The following ANKRD46 variants were observed in gnomAD, a reference collection of about 807,000 sequenced individuals.
ANKRD46 encodes the protein ankyrin repeat domain-containing protein 46.
A neutral mutation model predicts 19.8 loss-of-function variants in ANKRD46; 13 were observed. The ratio of observed to expected loss-of-function variants is 0.66; its 90% CI spans 0.43 to 1.04. The LOEUF (loss-of-function observed/expected upper bound fraction) is 1.04, where lower values mean the gene tolerates loss of function less well. ANKRD46 is among the 50% of genes least tolerant of loss of function. The pLI, the probability that ANKRD46 is intolerant of heterozygous loss-of-function variation, is 0.00. For missense variants in ANKRD46, 185 were observed against 274.8 expected, an observed-to-expected ratio of 0.67 and a Z score of 2.31; for synonymous variants, 91 against 106.9, an observed-to-expected ratio of 0.85 and a Z score of 0.92.
chr8:100,552,915 T>TTACTA lies in ANKRD46; in HGVS notation c.-131+6791_-131+6795dup, dbSNP rs200302328. On this transcript the variant is annotated intron_variant, in intron 1 of 4. Coordinates refer to ENST00000335659, the MANE Select transcript of ANKRD46 (RefSeq NM_001270377.2). ...AATGACACAGAATCTGAAGTGGTCA[T>TTACTA]TACTATTTGATTTCCACTCTTATAT... Among the ~76,000 whole-genome samples, 1,153 of 152,332 alleles carry TTACTA rather than the reference T, an allele frequency of 7.6e-3. 18 individuals are homozygous for TTACTA. The highest frequency in any genetic ancestry group is 0.026 in the African/African-American group (1,069 of 41,570).
In ANKRD46 at chr8:100,527,608, C is replaced by G. The variant is rs189066560; in HGVS notation, c.470+237G>C. On this transcript the variant is annotated intron_variant, in intron 4 of 4. Transcript: ENST00000335659. The surrounding 1 kb of genome is among the most constrained non-coding windows in gnomAD (Gnocchi z 4.0). ...AATTGTAATCTGCAGTCATAAGGTC[C>G]TATATAAAGTTCAAGTTGCACTTAA... 1.2e-3 allele frequency among the ~76,000 whole-genome samples: 184 copies of G among 152,224 alleles called. 1 individual carries two copies. Among genetic ancestry groups the G allele is most frequent in the Non-Finnish European group, 2.2e-3 (149 of 68,018 alleles).
At position 100,524,335 on chromosome 8, in the gene ANKRD46, C is replaced by T. The variant is rs2130645833; in HGVS notation, c.471-1564G>A. On this transcript the variant is annotated intron_variant, in intron 4 of 4. Transcript: ENST00000335659. This position sits in a 1 kb window ranked among gnomAD's most constrained non-coding sequence, Gnocchi z 4.3. ...TAAAACAGTATCTTAGAGTCTCATT[C>T]ATTATGAACTATGAATAAACATGCA... 6.6e-6 allele frequency among the ~76,000 whole-genome samples: 1 copy of T among 152,292 alleles called. No individual in the cohort carries two copies. The highest frequency in any genetic ancestry group is 1.9e-4 in the East Asian group (1 of 5,186).
rs1226586501 is a variant in ANKRD46 at position 100,543,052 on chromosome 8, A to C, written c.-130-9741T>G. 4.6e-5 allele frequency among the ~76,000 whole-genome samples: 7 copies of C among 152,180 alleles called. No homozygotes were observed. Among genetic ancestry groups the C allele is most frequent in the African/African-American group, 1.7e-4 (7 of 41,442 alleles). On this transcript the variant is annotated intron_variant, in intron 1 of 4. Transcript: ENST00000335659. This position sits in a 1 kb window ranked among gnomAD's most constrained non-coding sequence, Gnocchi z 4.2. ...TTCAGAAACGGGAAAAGAAGATGAC[A>C]AGTTCCTATATCAGTTTCCCATGGA...
rs17428950 is a variant in ANKRD46 at position 100,543,421 on chromosome 8, A to C, written c.-130-10110T>G. 0.073 allele frequency among the ~76,000 whole-genome samples: 11,053 copies of C among 152,314 alleles called. 498 individuals carry two copies. The highest frequency in any genetic ancestry group is 0.094 in the Non-Finnish European group (6,383 of 68,012). ...TTTATATCAAAAAACAATTTTCTAA[A>C]TGACTTGTAGATAGGAGCAGGACAC... On this transcript the variant is annotated intron_variant, in intron 1 of 4. Coordinates refer to ENST00000335659, the MANE Select transcript of ANKRD46 (RefSeq NM_001270377.2). The surrounding 1 kb of genome is among the most constrained non-coding windows in gnomAD (Gnocchi z 4.2).
At position 100,522,355 on chromosome 8, in the gene ANKRD46, A is replaced by C. The variant is rs1430897125; in HGVS notation, c.*200T>G. On this transcript the variant is annotated 3_prime_UTR_variant, in exon 5 of 5. Transcript: ENST00000335659. Reference sequence around the variant, plus strand: ...GTCAGGTTGAGTCAGAGGTAGCGTTAGGATGCAATATACTTGATCATAGTA... The same window carrying C: ...GTCAGGTTGAGTCAGAGGTAGCGTTCGGATGCAATATACTTGATCATAGTA... 7.2e-7 allele frequency: 1 copy of C among 1,395,588 alleles called. No individual in the cohort carries two copies. Among genetic ancestry groups the C allele is most frequent in the East Asian group, 2.7e-5 (1 of 37,726 alleles). 86.5% of individuals were successfully genotyped at this position (1,395,588 alleles called of 1,614,324 possible). A position where few individuals can be genotyped will look rare whatever the true frequency, so the allele number is the denominator to read the frequency against.
chr8:100,541,330 TA>T (rs1308082271), intron 1 of ANKRD46, among the ~76,000 whole-genome samples: 1 of 152,152 alleles, frequency 6.6e-6, no homozygotes, highest in African/African-American at 2.4e-5. Flanking sequence ...AAATATTCCT[TA>T]TTTTCTAAAT....
In ANKRD46 at chr8:100,549,544, A is replaced by AT. The variant is rs570396299; in HGVS notation, c.-131+10166dup. Among the ~76,000 whole-genome samples the AT allele has an allele frequency of 1.9e-4, 29 of 152,250 alleles. No homozygotes were observed. The East Asian group carries it at 5.4e-3, about 28-fold the overall frequency. On this transcript the variant is annotated intron_variant, in intron 1 of 4. Transcript: ENST00000335659. ...AGTATCACAACTGAGCTGTGAGCAT[A>AT]TTTTTTATTACTTTATCTTTTTTAA...
intron 1 of ANKRD46, among the ~76,000 whole-genome samples, 165 bp from the exon 2 acceptor site, chr8:100,533,476 T>C (rs1193431237): frequency 2.0e-5 from 3 of 152,040 alleles, no homozygotes; most frequent in South Asian, 4.2e-4. Context: ...AGTAACAAAG[T>C]AGTGAAAAGG....
At chr8:100,517,580 C>T (rs902608717), downstream of ANKRD46, among the ~76,000 whole-genome samples, 2 of 152,178 alleles carry the variant, frequency 1.3e-5, no homozygotes, top group East Asian at 3.8e-4. Context: ...ATGCCTCTGG[C>T]TATGGAGCAG....
In ANKRD46 at chr8:100,536,002, G is replaced by A. The variant is rs561533088; in HGVS notation, c.-130-2691C>T. Among the ~76,000 whole-genome samples, 3 of 152,060 alleles carry A rather than the reference G, an allele frequency of 2.0e-5. No homozygotes were observed. The highest frequency in any genetic ancestry group is 1.9e-4 in the East Asian group (1 of 5,162). On this transcript the variant is annotated intron_variant, in intron 1 of 4. Transcript: ENST00000335659. The surrounding 1 kb of genome is among the most constrained non-coding windows in gnomAD (Gnocchi z 4.9). ...TCTATTTCCCCCATTCAAGAAGAAT[G>A]TAAGGTCATCTTTGGAGTCATGTGT...
rs770864256 is a variant in ANKRD46, at chr8:100,522,712, G to T, written c.530C>A (p.Ser177Tyr). 1.6e-5 allele frequency: 26 copies of T among 1,613,946 alleles called. No individual in the cohort carries two copies. Among genetic ancestry groups the T allele is most frequent in the South Asian group, 1.1e-5 (1 of 91,066 alleles). Residue 177 changes from serine (S) to tyrosine (Y), a missense_variant, in exon 5 of 5, where the codon TCC becomes TAC. Transcript: ENST00000335659. ...CTCCTGCCACGTGGTTCGGAAGCTG[G>T]AGAGGACTCCTTCACCTTGCTGCAG... is the stretch of plus-strand genomic sequence containing the variant. ...PNLQQGEGVL[S>Y]SFRTTWQEFV...
chr8:100,527,895 G>A lies in ANKRD46; in HGVS notation c.420C>T (p.Asn140=). ...SLEEQEVKGF[N]RGTHSKLETM... ...TCTCCAGTTTCGAGTGGGTTCCTCT[G>A]TTAAATCCTTTCACCTCCTGTTCTT... The change falls in exon 4 of 5, where the codon AAC becomes AAT. Residue 140 remains asparagine, a synonymous_variant. Coordinates refer to ENST00000335659, the MANE Select transcript of ANKRD46 (RefSeq NM_001270377.2). This position sits in a 1 kb window ranked among gnomAD's most constrained non-coding sequence, Gnocchi z 4.0. 1 of 1,610,522 alleles carries A rather than the reference G, an allele frequency of 6.2e-7. No homozygotes were observed.
At chr8:100,558,550 AAC>A (rs1397186832) in intron 1 of ANKRD46, among the ~76,000 whole-genome samples, 1 of 152,322 alleles carries the variant, frequency 6.6e-6, no homozygotes, top group Non-Finnish European at 1.5e-5. Context: ...TTAATGAGCT[AAC>A]AGTTTTCTTA....
Position 100,536,209 on chromosome 8 carries a change from G to A in ANKRD46, c.-130-2898C>T, listed in dbSNP as rs887150090. ...TCTTTCAAGATTCACTGAGGACTGAGTCTGTGCCCCTGTGAATGGATGTGA... is the reference window on the plus strand; with the variant it reads ...TCTTTCAAGATTCACTGAGGACTGAATCTGTGCCCCTGTGAATGGATGTGA... On this transcript the variant is annotated intron_variant, in intron 1 of 4. Coordinates refer to ENST00000335659, the MANE Select transcript of ANKRD46 (RefSeq NM_001270377.2). This position sits in a 1 kb window ranked among gnomAD's most constrained non-coding sequence, Gnocchi z 4.9. 6.6e-6 allele frequency among the ~76,000 whole-genome samples: 1 copy of A among 152,160 alleles called. No homozygotes were observed. Among genetic ancestry groups the A allele is most frequent in the Non-Finnish European group, 1.5e-5 (1 of 68,022 alleles).
At chr8:100,526,732 CGA>C (rs780443727) in intron 4 of ANKRD46, among the ~76,000 whole-genome samples, 129 of 152,004 alleles carry the variant, frequency 8.5e-4, no homozygotes, top group Middle Eastern at 6.8e-3. Flanking sequence ...ATCTGGCACA[CGA>C]GAGGAGGAAA....
Position 100,553,451 on chromosome 8 carries a change from T to G in ANKRD46, c.-131+6260A>C, listed in dbSNP as rs1397804074. Among the ~76,000 whole-genome samples the G allele has an allele frequency of 3.3e-5, 5 of 152,238 alleles. No individual in the cohort carries two copies. The East Asian group carries it at 9.6e-4, about 29-fold the overall frequency. ...AAGTCACACTCAGAATATTTTTGTT[T>G]TTTTAATTAAACTTACGCAGGCTGG... On this transcript the variant is annotated intron_variant, in intron 1 of 4. Transcript: ENST00000335659.
chr8:100,547,443 C>A (rs189596134), intron 1 of ANKRD46, among the ~76,000 whole-genome samples: 43 of 152,212 alleles, frequency 2.8e-4, no homozygotes, highest in African/African-American at 9.9e-4. Context: ...CTAAGTTTCC[C>A]GAGGCCTCCC....
chr8:100,546,799 C>T lies in ANKRD46; in HGVS notation c.-131+12912G>A, dbSNP rs759636096. On this transcript the variant is annotated intron_variant, in intron 1 of 4. Coordinates refer to ENST00000335659, the MANE Select transcript of ANKRD46 (RefSeq NM_001270377.2). This position sits in a 1 kb window ranked among gnomAD's most constrained non-coding sequence, Gnocchi z 4.0. Reference sequence around the variant, plus strand: ...CCACAGGGACAAAGCTGCTCAAGGCCGTGGGAGCACACCCCTTGCATCAGC... The same window carrying T: ...CCACAGGGACAAAGCTGCTCAAGGCTGTGGGAGCACACCCCTTGCATCAGC... Among the ~76,000 whole-genome samples, 11 of 152,206 alleles carry T rather than the reference C, an allele frequency of 7.2e-5. No individual in the cohort carries two copies. Among genetic ancestry groups the T allele is most frequent in the Non-Finnish European group, 1.0e-4 (7 of 68,034 alleles).
Position 100,529,658 on chromosome 8 carries a change from T to A in ANKRD46, c.176A>T (p.Asp59Val). ...GAATTTATGCAGTAACTGGCAGATG[T>A]CTACATTCCCTCGAGCTGCTGCAAG... ...LHLAAARGNV[D>V]ICQLLHKFGA... is the part of the protein sequence containing the mutation. The change falls in exon 3 of 5, where the codon GAC (aspartate) becomes GTC (valine). Residue 59 changes from aspartate to valine, a missense_variant. Coordinates refer to ENST00000335659, the MANE Select transcript of ANKRD46 (RefSeq NM_001270377.2). The surrounding 1 kb of genome is among the most constrained non-coding windows in gnomAD (Gnocchi z 5.8). 6.2e-7 allele frequency: 1 copy of A among 1,614,246 alleles called. No individual in the cohort carries two copies. The highest frequency in any genetic ancestry group is 8.5e-7 in the Non-Finnish European group (1 of 1,180,044).
Sources: gnomAD v4.1 joint callset for allele counts (sites outside exome capture counted in the v4.1 genomes callset) on GRCh38, gnomAD v4.1.1 for gene constraint, Gnocchi (gnomAD v3.1) non-coding constraint, MANE v1.5 for transcripts, NCBI Gene and HGNC (gene_info 2026-07-23, HGNC 2026-07-21) for gene names.